The following APBB2 variants were observed in gnomAD, a reference collection of about 807,000 sequenced individuals.
APBB2 encodes the protein Fe65-like 1.
Under a neutral mutation model 82.5 loss-of-function variants are expected in APBB2, and 38 were observed. The observed-to-expected ratio is 0.46, with a 90% CI of 0.36 to 0.60. APBB2 has a LOEUF of 0.60. APBB2 is among the 20% of genes least tolerant of loss of function. APBB2 has a pLI of 0.00. For synonymous variants in APBB2, 341 were observed against 368.2 expected (o/e 0.93, Z 0.85); for missense variants, 772 against 972.3 (o/e 0.79, Z 2.74).
At chr4:41,166,413 CA>C (rs1224127911) in intron 1 of APBB2, among the ~76,000 whole-genome samples, 1 of 151,200 alleles carries the variant, frequency 6.6e-6, no homozygotes, top group Non-Finnish European at 1.5e-5. Flanking sequence ...CTCATCTCTA[CA>C]AAAAAATCAA....
chr4:40,896,820 C>A (rs1484238699), intron 10 of APBB2, among the ~76,000 whole-genome samples: 1 of 152,100 alleles, frequency 6.6e-6, no homozygotes, highest in South Asian at 2.1e-4. Context: ...CTGGTGAATT[C>A]GGCTTCTGGC....
rs562531630 is a variant in APBB2, at chr4:40,821,469, T to C, written c.2112+402A>G. On this transcript the variant is annotated intron_variant, in intron 17 of 17. Coordinates refer to ENST00000508593, the MANE Select transcript of APBB2 (RefSeq NM_004307.2). ...TGAGTTAACAGATATAAATAAAATATATAAGAACGGTGTACAGAAACCAAT... is the reference window on the plus strand; with the variant it reads ...TGAGTTAACAGATATAAATAAAATACATAAGAACGGTGTACAGAAACCAAT... Among the ~76,000 whole-genome samples the C allele has an allele frequency of 4.6e-5, 7 of 152,324 alleles. No individual in the cohort carries two copies. The South Asian group carries it at 1.0e-3, about 23-fold the overall frequency.
chr4:41,059,990 AT>A (rs772660179), intron 4 of APBB2, among the ~76,000 whole-genome samples: 47 of 122,504 alleles, frequency 3.8e-4, no homozygotes, highest in African/African-American at 5.3e-4. Flanking sequence ...TCAAAAAAAA[AT>A]AAAATAATAA....
At chr4:41,169,183 CAAAAA>C (rs60032221) in intron 1 of APBB2, among the ~76,000 whole-genome samples, 1 of 60,720 alleles carries the variant, frequency 1.6e-5, no homozygotes, top group Non-Finnish European at 3.3e-5. Context: ...CACTCCGTCT[CAAAAA>C]AAAAAAAAAA....
intron 2 of APBB2, among the ~76,000 whole-genome samples, chr4:41,108,785 G>A (rs1018227076): frequency 1.4e-4 from 22 of 152,186 alleles, no homozygotes; most frequent in African/African-American, 5.1e-4. Flanking sequence ...ACATGTCTAA[G>A]ACAGACATCA....
At position 40,826,971 on chromosome 4, in the gene APBB2, C is replaced by T. The variant is rs1750155761; in HGVS notation, c.1732+161G>A. ...TAACCCTAGTGATGCAAAATCAACT[C>T]TGTGCCTCTGTGAGACCCAGCGTGC... On this transcript the variant is annotated intron_variant, in intron 14 of 17. Coordinates refer to ENST00000508593, the MANE Select transcript of APBB2 (RefSeq NM_004307.2). The surrounding 1 kb of genome is among the most constrained non-coding windows in gnomAD (Gnocchi z 4.5). The T allele has an allele frequency of 1.6e-6, 1 of 629,576 alleles. No homozygotes were observed. The highest frequency in any genetic ancestry group is 2.8e-6 in the Non-Finnish European group (1 of 354,452). 39.0% of individuals were successfully genotyped at this position (629,576 alleles called of 1,614,324 possible).
chr4:41,025,293 C>T (rs551553162), intron 5 of APBB2, among the ~76,000 whole-genome samples: 7 of 151,986 alleles, frequency 4.6e-5, no homozygotes, highest in Admixed American at 6.6e-5. Context: ...AGCTCAATAC[C>T]GCTGATCATT....
At chr4:41,035,117 T>C (rs1340517640) in intron 4 of APBB2, among the ~76,000 whole-genome samples, 1 of 152,232 alleles carries the variant, frequency 6.6e-6, no homozygotes, top group Admixed American at 6.5e-5. Flanking sequence ...CATTTCTATA[T>C]GCGTAATGCA....
intron 10 of APBB2, 136 bp from the exon 11 acceptor site, chr4:40,893,547 A>AGATG: frequency 1.3e-6 from 1 of 750,792 alleles, no homozygotes; most frequent in Non-Finnish European, 2.0e-6. Flanking sequence ...TCAATCATCT[A>AGATG]ATTGAGTTAA....
intron 17 of APBB2, among the ~76,000 whole-genome samples, chr4:40,821,570 C>T (rs534518959): frequency 7.9e-5 from 12 of 152,326 alleles, no homozygotes; most frequent in East Asian, 1.9e-4. Flanking sequence ...AACTCATACA[C>T]GACCAACATT....
At chr4:40,919,408 T>C (rs956397928) in intron 10 of APBB2, among the ~76,000 whole-genome samples, 3 of 152,236 alleles carry the variant, frequency 2.0e-5, no homozygotes, top group African/African-American at 7.2e-5. Context: ...TCTCACGTCA[T>C]CAGGTGCTAT....
At chr4:41,183,909 T>A (rs981795552) in intron 1 of APBB2, among the ~76,000 whole-genome samples, 3 of 152,090 alleles carry the variant, frequency 2.0e-5, no homozygotes, top group Non-Finnish European at 4.4e-5. Context: ...TATTATTATT[T>A]CATTGTAATT....
chr4:41,104,569 G>T (rs1746521785), intron 2 of APBB2, among the ~76,000 whole-genome samples: 1 of 152,112 alleles, frequency 6.6e-6, no homozygotes, highest in Admixed American at 6.5e-5. Context: ...TTGGTATGCA[G>T]ATTATTTTGT....
chr4:41,198,638 G>A, intron 1 of APBB2, among the ~76,000 whole-genome samples: 6 of 152,164 alleles, frequency 3.9e-5, no homozygotes, highest in Non-Finnish European at 8.8e-5. Context: ...AAAGGCTTGT[G>A]GATTAAGTGT....
At chr4:41,128,533 G>A (rs1755065965) in intron 2 of APBB2, among the ~76,000 whole-genome samples, 2 of 152,208 alleles carry the variant, frequency 1.3e-5, no homozygotes. Context: ...TAATATAATT[G>A]TAATCACTTT....
chr4:40,960,868 C>A (rs1456178663), intron 6 of APBB2, among the ~76,000 whole-genome samples: 1 of 152,104 alleles, frequency 6.6e-6, no homozygotes. Context: ...CATTTCCCAG[C>A]CTCCCTTGCA....
intron 12 of APBB2, among the ~76,000 whole-genome samples, chr4:40,882,495 GA>G: frequency 6.6e-6 from 1 of 152,332 alleles, no homozygotes; most frequent in Admixed American, 6.5e-5. Flanking sequence ...TGTGAAGTTG[GA>G]AAAACTGCAA....
rs571056860 is a variant in APBB2, at chr4:40,888,251, G to A, written c.1529+2113C>T. On this transcript the variant is annotated intron_variant, in intron 12 of 17. Coordinates refer to ENST00000508593, the MANE Select transcript of APBB2 (RefSeq NM_004307.2). ...TATGATCCTCACTTCACAGATGAGA[G>A]AACTGAGGCTCAGAGAACTTGAATA... 2.4e-4 allele frequency among the ~76,000 whole-genome samples: 36 copies of A among 152,372 alleles called. No individual in the cohort carries two copies. In the South Asian group the frequency reaches 6.0e-3, roughly 25 times the overall value.
chr4:41,186,900 A>G (rs1462178960), intron 1 of APBB2, among the ~76,000 whole-genome samples: 1 of 152,230 alleles, frequency 6.6e-6, no homozygotes, highest in African/African-American at 2.4e-5. Flanking sequence ...CTCCAAATCC[A>G]TGCATTTGAC....
Sources: allele counts gnomAD v4.1 joint callset (sites outside exome capture counted in the v4.1 genomes callset), GRCh38; gene constraint gnomAD v4.1.1; non-coding constraint Gnocchi (gnomAD v3.1); transcripts MANE v1.5; gene names NCBI Gene and HGNC (gene_info 2026-07-23, HGNC 2026-07-21).